FAM91A1: variants seen among roughly 807,000 people sequenced by gnomAD.
The protein encoded by FAM91A1 is family with sequence similarity 91 member A1, also known as protein FAM91A1.
A neutral mutation model predicts 113.5 loss-of-function variants in FAM91A1; 41 were observed. The observed-to-expected ratio is 0.36, with a 90% CI of 0.28 to 0.47. The LOEUF is 0.47. Ranked by LOEUF, FAM91A1 falls within the 20% of genes least tolerant of loss-of-function variation. FAM91A1 has a pLI of 1.00. For synonymous variants in FAM91A1, 307 were observed against 347.9 expected (o/e 0.88, Z 1.31); for missense variants, 696 against 1,001.2 (o/e 0.70, Z 4.11).
chr8:123,779,977 T>C lies in FAM91A1; in HGVS notation c.550-8T>C. 6.2e-7 allele frequency: 1 copy of C among 1,609,338 alleles called. No homozygotes were observed. The highest frequency in any genetic ancestry group is 8.5e-7 in the Non-Finnish European group (1 of 1,178,152). On this transcript the variant is annotated splice_polypyrimidine_tract_variant and splice_region_variant and intron_variant, in intron 6 of 23. Coordinates refer to ENST00000334705, the MANE Select transcript of FAM91A1 (RefSeq NM_144963.4). ...AGAACTTAATTAAAAATATTTTGCT[T>C]TTCTTAGATATGCACTTTGCCTGAG...
chr8:123,805,970 G>A, intron 19 of FAM91A1, 110 bp from the exon 20 acceptor site: 3 of 1,036,280 alleles, frequency 2.9e-6, no homozygotes, highest in Non-Finnish European at 2.6e-6. Flanking sequence ...CAATTATGAT[G>A]TATTAAAGTA....
In FAM91A1 at chr8:123,774,284, A is replaced by G. The variant is rs192898664; in HGVS notation, c.157+120A>G. The G allele has an allele frequency of 2.5e-4, 171 of 689,850 alleles. 1 individual carries two copies. In the African/African-American group the frequency reaches 3.0e-3, roughly 12 times the overall value. 42.7% of individuals were successfully genotyped at this position (689,850 alleles called of 1,614,324 possible). On this transcript the variant is annotated intron_variant, in intron 2 of 23. Coordinates refer to ENST00000334705, the MANE Select transcript of FAM91A1 (RefSeq NM_144963.4). ...ATTATTCCATGTACAGACTTTAAGA[A>G]ACTCTACACTGATCCATTCCACCTA...
chr8:123,780,213 A>C, intron 7 of FAM91A1, 138 bp downstream of exon 7: 1 of 795,252 alleles, frequency 1.3e-6, no homozygotes. Flanking sequence ...ATGTGACCTT[A>C]GTCTTTTGTT....
At chr8:123,789,816 TGCTCACTTATATA>T (rs1276201600) in intron 15 of FAM91A1, 71 bp downstream of exon 15, 27 of 1,532,590 alleles carry the variant, frequency 1.8e-5, no homozygotes, top group Non-Finnish European at 2.0e-5. Flanking sequence ...AAACAGATCA[TGCTCACTTATATA>T]ATCATCACTT....
At chr8:123,808,450 A>G in intron 21 of FAM91A1, 74 bp downstream of exon 21, 3 of 1,213,792 alleles carry the variant, frequency 2.5e-6, no homozygotes, top group Admixed American at 2.0e-5. Flanking sequence ...AGGCATTTGC[A>G]TGCCATTTGT....
At chr8:123,793,660 G>A (rs1815439507) in intron 15 of FAM91A1, among the ~76,000 whole-genome samples, 1 of 152,094 alleles carries the variant, frequency 6.6e-6, no homozygotes, top group Non-Finnish European at 1.5e-5. Flanking sequence ...ATCTTATTGT[G>A]TATTTATTCT....
chr8:123,773,079 C>T (rs59152815), intron 1 of FAM91A1, among the ~76,000 whole-genome samples: 98 of 152,120 alleles, frequency 6.4e-4, no homozygotes, highest in African/African-American at 2.3e-3. Context: ...AAGGGCCAAC[C>T]GCACATAATT....
At chr8:123,809,233 A>G (rs1292779629) in intron 22 of FAM91A1, among the ~76,000 whole-genome samples, 1 of 152,174 alleles carries the variant, frequency 6.6e-6, no homozygotes, top group African/African-American at 2.4e-5. Context: ...TTTTGGGCAC[A>G]TGTTTTGATT....
chr8:123,804,360 G>A (rs1014974412), intron 18 of FAM91A1, among the ~76,000 whole-genome samples: 17 of 151,516 alleles, frequency 1.1e-4, no homozygotes, highest in African/African-American at 3.1e-4. Context: ...GTGTGGTGGC[G>A]GGCGCCTGTA....
chr8:123,788,248 G>GT (rs1241144172), intron 14 of FAM91A1: 2 of 984,686 alleles, frequency 2.0e-6, no homozygotes, highest in African/African-American at 1.8e-5. Context: ...CTTTTTCCCC[G>GT]TGAGTACAGC....
chr8:123,808,143 C>G, intron 20 of FAM91A1, 129 bp from the exon 21 acceptor site: 1 of 712,526 alleles, frequency 1.4e-6, no homozygotes, highest in Non-Finnish European at 2.2e-6. Context: ...TTATTTAAGC[C>G]AAGGATTATG....
rs376499374 is a variant in FAM91A1, at chr8:123,768,779, G to A, written c.72+5G>A. On this transcript the variant is annotated splice_donor_5th_base_variant and intron_variant, in intron 1 of 23. Coordinates refer to ENST00000334705, the MANE Select transcript of FAM91A1 (RefSeq NM_144963.4). ...TTGCCGGCCAACGTGAGACAGGTAC[G>A]GCCGGAACCTGGGACCGGGCCCCTG... The A allele has an allele frequency of 5.6e-6, 9 of 1,610,452 alleles. No homozygotes were observed. Among genetic ancestry groups the A allele is most frequent in the African/African-American group, 1.3e-5 (1 of 74,816 alleles).
intron 18 of FAM91A1, 133 bp from the exon 19 acceptor site, chr8:123,805,134 A>C (rs1254284744): frequency 1.5e-6 from 1 of 657,546 alleles, no homozygotes; most frequent in East Asian, 2.8e-5. Context: ...AAAAATAGAA[A>C]ATTGTTGAAA....
chr8:123,783,976 A>G (rs1348713136), intron 8 of FAM91A1, among the ~76,000 whole-genome samples: 1 of 152,198 alleles, frequency 6.6e-6, no homozygotes, highest in Non-Finnish European at 1.5e-5. Flanking sequence ...ATGAATTTCC[A>G]TTTTTAGGAT....
chr8:123,812,478 A>G (rs751424114), intron 23 of FAM91A1, 41 bp from the exon 24 acceptor site: 2 of 1,514,396 alleles, frequency 1.3e-6, no homozygotes, highest in Non-Finnish European at 1.8e-6. Context: ...TGGTTTTGGT[A>G]AAGTGTTGAA....
Position 123,799,651 on chromosome 8 carries a change from T to G in FAM91A1, c.1692T>G (p.Phe564Leu). 1 of 1,614,010 alleles carries G rather than the reference T, an allele frequency of 6.2e-7. No homozygotes were observed. The highest frequency in any genetic ancestry group is 8.5e-7 in the Non-Finnish European group (1 of 1,179,946). Residue 564 changes from phenylalanine to leucine, a missense_variant, in exon 17 of 24, where the codon TTT becomes TTG. By Grantham distance (22) the Phe-to-Leu change is conservative. Coordinates refer to ENST00000334705, the MANE Select transcript of FAM91A1 (RefSeq NM_144963.4). The part of the protein sequence containing the change: ...GTRLRKLPDI[F>L]QSYDRLLITS... Reference sequence around the variant, plus strand: ...GACTTCGAAAACTGCCAGATATATTTCAGGTATGTGTGGGAGGTTTGGGTG... The same window carrying G: ...GACTTCGAAAACTGCCAGATATATTGCAGGTATGTGTGGGAGGTTTGGGTG...
intron 23 of FAM91A1, among the ~76,000 whole-genome samples, chr8:123,811,615 T>A (rs529756490): frequency 6.6e-6 from 1 of 152,086 alleles, no homozygotes; most frequent in South Asian, 2.1e-4. Flanking sequence ...CATGAATGAT[T>A]CTTATGTTTT....
At chr8:123,783,077 G>C (rs1240773720) in intron 8 of FAM91A1, among the ~76,000 whole-genome samples, 4 of 152,092 alleles carry the variant, frequency 2.6e-5, no homozygotes, top group African/African-American at 9.7e-5. Context: ...TTGGGGGACT[G>C]GGGCAAGAGG....
rs377038999 is a variant in FAM91A1, at chr8:123,784,234, ACT to A, written c.704-233_704-232del. 1.5e-4 allele frequency among the ~76,000 whole-genome samples: 23 copies of A among 152,036 alleles called. No homozygotes were observed. In the South Asian group the frequency reaches 1.9e-3, roughly 12 times the overall value. ...CATTTCTGAGTTACCTGTCTCAGTA[ACT>A]CTGAGTTCCATGGTGAATTAAATGA... is the stretch of plus-strand genomic sequence containing the variant. On this transcript the variant is annotated intron_variant, in intron 8 of 23. Coordinates refer to ENST00000334705, the MANE Select transcript of FAM91A1 (RefSeq NM_144963.4).
Sources: allele counts gnomAD v4.1 joint callset (sites outside exome capture counted in the v4.1 genomes callset), GRCh38; gene constraint gnomAD v4.1.1; transcripts MANE v1.5; gene names NCBI Gene and HGNC (gene_info 2026-07-23, HGNC 2026-07-21).